The following ATP8A2 variants were observed in gnomAD, a reference collection of about 807,000 sequenced individuals.
ATP8A2 encodes the protein phospholipid-transporting ATPase IB.
A neutral mutation model predicts 165.6 loss-of-function variants in ATP8A2; 100 were observed. The ratio of observed to expected loss-of-function variants is 0.60; its 90% CI spans 0.51 to 0.71. The LOEUF (loss-of-function observed/expected upper bound fraction) is 0.71. Ranked by LOEUF, ATP8A2 falls within the 30% of genes least tolerant of loss-of-function variation. The probability of loss-of-function intolerance (pLI) is 0.00; values close to 1 mark genes in which losing one functional copy is unlikely to be tolerated. For synonymous variants in ATP8A2, 543 were observed against 548.8 expected (o/e 0.99, Z 0.15); for missense variants, 1,227 against 1,479.5 (o/e 0.83, Z 2.80).
At chr13:25,921,493 G>A (rs1452717464) in intron 33 of ATP8A2, among the ~76,000 whole-genome samples, 2 of 151,656 alleles carry the variant, frequency 1.3e-5, no homozygotes, top group Non-Finnish European at 2.9e-5. Context: ...TGTGGTGGCG[G>A]GCACCTGTAG....
At chr13:25,480,531 A>G (rs562543133) in intron 2 of ATP8A2, among the ~76,000 whole-genome samples, 6 of 134,308 alleles carry the variant, frequency 4.5e-5, no homozygotes, top group African/African-American at 1.2e-4. Context: ...CGGCGGGGCA[A>G]AGGCGCTCCC....
chr13:25,649,212 C>T (rs894747647), intron 24 of ATP8A2, among the ~76,000 whole-genome samples: 2 of 152,150 alleles, frequency 1.3e-5, no homozygotes, highest in African/African-American at 4.8e-5. Flanking sequence ...TGGTAACAGC[C>T]TTGGGCAGGC....
intron 33 of ATP8A2, among the ~76,000 whole-genome samples, chr13:25,878,570 A>T (rs931598923): frequency 2.6e-5 from 4 of 151,808 alleles, no homozygotes; most frequent in African/African-American, 9.7e-5. Context: ...CTTTATTGCA[A>T]CCTGTTTTAT....
At chr13:25,840,598 G>A (rs1286204854) in intron 30 of ATP8A2, among the ~76,000 whole-genome samples, 1 of 152,100 alleles carries the variant, frequency 6.6e-6, no homozygotes, top group Non-Finnish European at 1.5e-5. Context: ...ATGCTTTCTA[G>A]CCCCACCCCA....
chr13:25,383,941 A>G (rs1016315383), intron 1 of ATP8A2, among the ~76,000 whole-genome samples: 1 of 152,006 alleles, frequency 6.6e-6, no homozygotes, highest in African/African-American at 2.4e-5. Context: ...GACTTTCTTT[A>G]CTCAGCTGTG....
chr13:25,671,203 C>A (rs897731514), intron 24 of ATP8A2, among the ~76,000 whole-genome samples: 12 of 152,172 alleles, frequency 7.9e-5, no homozygotes, highest in South Asian at 4.1e-4. Flanking sequence ...CTAGTCAATA[C>A]TCTTGTGATT....
chr13:25,488,991 C>T (rs186862684), intron 2 of ATP8A2, among the ~76,000 whole-genome samples: 53 of 151,000 alleles, frequency 3.5e-4, no homozygotes, highest in African/African-American at 1.1e-3. Context: ...CCCAGGAGGA[C>T]GCTTGATGGG....
intron 27 of ATP8A2, among the ~76,000 whole-genome samples, chr13:25,786,588 A>G (rs1229335016): frequency 6.6e-6 from 1 of 152,164 alleles, no homozygotes; most frequent in Non-Finnish European, 1.5e-5. Context: ...TGCTTTTCTT[A>G]ACATGAACTG....
chr13:26,012,442 C>T lies in ATP8A2; in HGVS notation c.3378-89C>T, dbSNP rs555298262. The T allele has an allele frequency of 5.7e-6, 6 of 1,044,322 alleles. No homozygotes were observed. The African/African-American group carries it at 6.6e-5, about 12-fold the overall frequency. The allele number at this position is 1,044,322 out of a possible 1,614,324, so 64.7% of individuals were successfully genotyped here. ...CTTACCCGACGTGGGGAGGTGATCC[C>T]CCACCTCATCCCACCCCCTTCTGTC... On this transcript the variant is annotated intron_variant, in intron 35 of 36. Transcript: ENST00000381655.
intron 24 of ATP8A2, among the ~76,000 whole-genome samples, chr13:25,693,671 G>GTCTC (rs71186897): frequency 2.8e-4 from 41 of 148,946 alleles, no homozygotes; most frequent in Admixed American, 4.8e-4. Context: ...AGATCTCTCT[G>GTCTC]TCTCTCTCTC....
intron 11 of ATP8A2, among the ~76,000 whole-genome samples, chr13:25,552,614 AT>A (rs1335199935): frequency 2.0e-5 from 3 of 152,022 alleles, no homozygotes; most frequent in African/African-American, 7.2e-5. Context: ...CTTCTTTAGT[AT>A]TTCTTGTATT....
At chr13:25,738,713 G>A (rs947511492) in intron 25 of ATP8A2, among the ~76,000 whole-genome samples, 1 of 152,258 alleles carries the variant, frequency 6.6e-6, no homozygotes, top group Non-Finnish European at 1.5e-5. Flanking sequence ...AAGGGCACAT[G>A]CCACTTGGAT....
At chr13:25,478,161 C>T (rs1291545390) in intron 2 of ATP8A2, among the ~76,000 whole-genome samples, 1 of 151,646 alleles carries the variant, frequency 6.6e-6, no homozygotes, top group Non-Finnish European at 1.5e-5. Context: ...TGGGAAAACC[C>T]TTACTCTCGG....
At chr13:25,547,193 G>T (rs1183403210) in intron 10 of ATP8A2, among the ~76,000 whole-genome samples, 1 of 151,536 alleles carries the variant, frequency 6.6e-6, no homozygotes, top group Non-Finnish European at 1.5e-5. Context: ...AACACAAGCA[G>T]TCAAACTCCA....
chr13:25,793,522 C>T (rs1240032859), intron 27 of ATP8A2, among the ~76,000 whole-genome samples: 1 of 152,044 alleles, frequency 6.6e-6, no homozygotes, highest in Non-Finnish European at 1.5e-5. Context: ...TTATATTGTG[C>T]AAATGTGTGT....
At chr13:25,957,346 G>C (rs1470201733) in intron 33 of ATP8A2, among the ~76,000 whole-genome samples, 1 of 152,230 alleles carries the variant, frequency 6.6e-6, no homozygotes, top group East Asian at 1.9e-4. Flanking sequence ...GAATGGGAGA[G>C]AATGTTTGCA....
At chr13:25,954,167 T>A (rs1955457847) in intron 33 of ATP8A2, among the ~76,000 whole-genome samples, 1 of 152,184 alleles carries the variant, frequency 6.6e-6, no homozygotes, top group Non-Finnish European at 1.5e-5. Context: ...CGAGCTTGGT[T>A]AGGGGAGGTG....
At chr13:25,754,633 T>C (rs911464246) in intron 25 of ATP8A2, among the ~76,000 whole-genome samples, 3 of 152,128 alleles carry the variant, frequency 2.0e-5, no homozygotes, top group Non-Finnish European at 4.4e-5. Flanking sequence ...AACAGAGCGG[T>C]GTTAGCTCAT....
At chr13:25,912,486 A>T (rs1954144007) in intron 33 of ATP8A2, among the ~76,000 whole-genome samples, 1 of 152,160 alleles carries the variant, frequency 6.6e-6, no homozygotes, top group Non-Finnish European at 1.5e-5. Context: ...CAGAGTAGTG[A>T]ATATAGTAAA....
Sources: allele counts gnomAD v4.1 joint callset (sites outside exome capture counted in the v4.1 genomes callset), GRCh38; gene constraint gnomAD v4.1.1; transcripts MANE v1.5; gene names NCBI Gene and HGNC (gene_info 2026-07-23, HGNC 2026-07-21).